The following PCDH15 variants were observed in gnomAD, a reference collection of about 807,000 sequenced individuals.
PCDH15 encodes protocadherin-15.
PCDH15 carries 129 observed loss-of-function variants against 178.5 expected under a neutral mutation model. The ratio of observed to expected loss-of-function variants is 0.72; its 90% CI spans 0.63 to 0.84. The LOEUF (loss-of-function observed/expected upper bound fraction) is 0.84, where lower values mean the gene tolerates loss of function less well. Ranked by LOEUF, PCDH15 falls within the 40% of genes least tolerant of loss-of-function variation. The pLI is 0.00. For synonymous variants in PCDH15, 800 were observed against 732.0 expected, an observed-to-expected ratio of 1.09 and a Z score of -1.50; for missense variants, 2,230 against 2,099.9, an observed-to-expected ratio of 1.06 and a Z score of -1.21.
chr10:53,950,703 C>T (rs1196083183), intron 23 of PCDH15, among the ~76,000 whole-genome samples: 2 of 152,154 alleles, frequency 1.3e-5, no homozygotes, highest in African/African-American at 4.8e-5. Flanking sequence ...TCTCATTCTT[C>T]AGAAGGCTAA....
rs550919300 is a variant in PCDH15, at chr10:55,557,744, C to A, written c.-156+69881G>T. On this transcript the variant is annotated intron_variant, in intron 2 of 5. Coordinates refer to the PCDH15 transcript ENST00000613346. ...CCAAATCAATAGTGATCCCGAAGGA[C>A]AGAAGTCAGAAAAATTTTCCCCATG... Among the ~76,000 whole-genome samples, 6 of 152,160 alleles carry A rather than the reference C, an allele frequency of 3.9e-5. No individual in the cohort carries two copies. The East Asian group carries it at 1.2e-3, about 29-fold the overall frequency.
At chr10:53,969,178 T>C (rs1188216557) in intron 21 of PCDH15, among the ~76,000 whole-genome samples, 3 of 152,088 alleles carry the variant, frequency 2.0e-5, no homozygotes, top group Non-Finnish European at 4.4e-5. Context: ...CTGATGGAGC[T>C]GAAAACCATG....
Position 54,866,302 on chromosome 10 carries a change from C to T in PCDH15, c.-29+31148G>A, listed in dbSNP as rs191340439. ...TATGCCAACTATTAAAAGTCTAACC[C>T]TTTTGCTAATGAACAGTTCAGGATT... On this transcript the variant is annotated intron_variant, in intron 3 of 5. Transcript: ENST00000458638. Among the ~76,000 whole-genome samples the T allele has an allele frequency of 1.2e-4, 19 of 152,192 alleles. No homozygotes were observed. The East Asian group carries it at 3.5e-3, about 28-fold the overall frequency.
chr10:54,715,627 C>T (rs1329687679), intron 1 of PCDH15, among the ~76,000 whole-genome samples: 1 of 152,020 alleles, frequency 6.6e-6, no homozygotes, highest in African/African-American at 2.4e-5. Context: ...TATCTCCAGG[C>T]TTTTGATGCA....
chr10:54,878,844 A>G (rs1354082845), intron 3 of PCDH15, among the ~76,000 whole-genome samples: 3 of 151,938 alleles, frequency 2.0e-5, no homozygotes, highest in Non-Finnish European at 4.4e-5. Flanking sequence ...CTCAGCAGGC[A>G]CCAGTGTGTA....
chr10:54,393,441 T>C (rs2135358198), intron 3 of PCDH15, among the ~76,000 whole-genome samples: 1 of 152,278 alleles, frequency 6.6e-6, no homozygotes, highest in East Asian at 1.9e-4. Context: ...AATATGATAG[T>C]TGCCATGAAA....
chr10:54,856,551 C>A (rs1000172024), intron 3 of PCDH15, among the ~76,000 whole-genome samples: 7 of 152,106 alleles, frequency 4.6e-5, no homozygotes, highest in African/African-American at 1.7e-4. Flanking sequence ...TAAACATTTG[C>A]CCCTATTTTA....
At chr10:53,965,206 C>T (rs570934904) in intron 21 of PCDH15, among the ~76,000 whole-genome samples, 79 of 151,950 alleles carry the variant, frequency 5.2e-4, no homozygotes, top group Middle Eastern at 3.4e-3. Context: ...TACACGAGCC[C>T]GCCACCATGC....
chr10:54,023,572 G>A (rs971811204), intron 18 of PCDH15, among the ~76,000 whole-genome samples: 1 of 148,120 alleles, frequency 6.8e-6, no homozygotes, highest in Non-Finnish European at 1.5e-5. Context: ...TTAAGATTAT[G>A]TAGGTTTTTG....
chr10:54,770,022 C>A (rs991780048), intron 1 of PCDH15, among the ~76,000 whole-genome samples: 7 of 152,080 alleles, frequency 4.6e-5, no homozygotes, highest in Non-Finnish European at 8.8e-5. Flanking sequence ...AAATTTACTT[C>A]TTCAGTCATC....
Position 53,935,122 on chromosome 10 carries a change from A to AT in PCDH15, c.3373+3692dup, listed in dbSNP as rs569785981. Among the ~76,000 whole-genome samples the AT allele has an allele frequency of 2.6e-4, 40 of 152,210 alleles. No individual in the cohort carries two copies. The East Asian group carries it at 6.6e-3, about 25-fold the overall frequency. On this transcript the variant is annotated intron_variant, in intron 25 of 37. Transcript: ENST00000644397. Reference sequence around the variant, plus strand: ...AAATAAGACCAGTTTGTCATTACACATTTTTTTACAGTAATGCTTCAAAGA... The same window carrying AT: ...AAATAAGACCAGTTTGTCATTACACATTTTTTTTACAGTAATGCTTCAAAGA...
intron 2 of PCDH15, among the ~76,000 whole-genome samples, chr10:55,445,636 TGTG>T (rs1839299285): frequency 6.6e-6 from 1 of 152,134 alleles, no homozygotes; most frequent in African/African-American, 2.4e-5. Context: ...TTCCAGTTAA[TGTG>T]GTAAGAAATG....
At chr10:54,884,480 G>GGTGT (rs11473798) in intron 3 of PCDH15, among the ~76,000 whole-genome samples, 5,836 of 148,638 alleles carry the variant, frequency 0.039, 110 homozygotes, top group Middle Eastern at 0.056. Flanking sequence ...TACTAAGATA[G>GGTGT]GTGTGTGTGT....
chr10:54,918,336 G>A (rs551913255), intron 2 of PCDH15, among the ~76,000 whole-genome samples: 56 of 152,184 alleles, frequency 3.7e-4, no homozygotes, highest in South Asian at 1.2e-3. Flanking sequence ...AAAAAAAAAT[G>A]AGCATAGTCA....
At chr10:54,836,729 A>G (rs1012153893) in intron 3 of PCDH15, among the ~76,000 whole-genome samples, 11 of 152,168 alleles carry the variant, frequency 7.2e-5, no homozygotes, top group African/African-American at 2.7e-4. Context: ...ATAGATTGAG[A>G]TGAAGAAAAA....
At chr10:54,914,625 A>G (rs1159158786) in intron 2 of PCDH15, among the ~76,000 whole-genome samples, 1 of 152,198 alleles carries the variant, frequency 6.6e-6, no homozygotes, top group East Asian at 1.9e-4. Context: ...GACACTAAGC[A>G]ATGTATTAAA....
chr10:53,998,961 G>A lies in PCDH15; in HGVS notation c.2752-3196C>T, dbSNP rs372546209. Among the ~76,000 whole-genome samples the A allele has an allele frequency of 9.0e-4, 136 of 151,044 alleles. 3 individuals carry two copies. The South Asian group carries it at 0.02, about 22-fold the overall frequency. Reference sequence around the variant, plus strand: ...CAGCTACTCGAGAGGCTGAGGAAGGGAGAATTCCTTGAACCCAGGAGGCGG... The same window carrying A: ...CAGCTACTCGAGAGGCTGAGGAAGGAAGAATTCCTTGAACCCAGGAGGCGG... On this transcript the variant is annotated intron_variant, in intron 20 of 37. Coordinates refer to ENST00000644397, the MANE Select transcript of PCDH15 (RefSeq NM_001384140.1).
At chr10:55,589,229 T>G in intron 2 of PCDH15, among the ~76,000 whole-genome samples, 1 of 152,280 alleles carries the variant, frequency 6.6e-6, no homozygotes, top group South Asian at 2.1e-4. Context: ...AATTAATTTT[T>G]GTATAAGGTG....
At chr10:55,121,983 A>T (rs781647084) in intron 2 of PCDH15, among the ~76,000 whole-genome samples, 2 of 152,130 alleles carry the variant, frequency 1.3e-5, no homozygotes, top group Non-Finnish European at 2.9e-5. Flanking sequence ...ACTAAGAGAG[A>T]TTCTCATGAC....
Sources: gnomAD v4.1 joint callset for allele counts (sites outside exome capture counted in the v4.1 genomes callset) on GRCh38, gnomAD v4.1.1 for gene constraint, MANE v1.5 for transcripts, NCBI Gene and HGNC (gene_info 2026-07-23, HGNC 2026-07-21) for gene names.